The following TVP23C variants were observed in gnomAD, a reference collection of about 807,000 sequenced individuals.
TVP23C encodes Golgi apparatus membrane protein TVP23 homolog C.
A neutral mutation model predicts 28.7 loss-of-function variants in TVP23C; 19 were observed. The ratio of observed to expected loss-of-function variants is 0.66; its 90% CI spans 0.46 to 0.97. TVP23C has a LOEUF of 0.97. Among genes scored for constraint, TVP23C ranks in the 50% least tolerant of loss-of-function variants. TVP23C has a pLI of 0.00. For missense variants in TVP23C, 186 were observed against 241.3 expected (o/e 0.77, Z 1.52); for synonymous variants, 68 against 81.7 (o/e 0.83, Z 0.90).
intron 3 of TVP23C, among the ~76,000 whole-genome samples, chr17:15,549,673 T>C (rs1265391096): frequency 6.6e-6 from 1 of 151,624 alleles, no homozygotes; most frequent in Non-Finnish European, 1.5e-5. Context: ...AAGCAAGATT[T>C]TGTCTCAAAA....
intron 3 of TVP23C, among the ~76,000 whole-genome samples, chr17:15,548,326 C>T (rs1467896432): frequency 6.6e-6 from 1 of 152,132 alleles, no homozygotes; most frequent in South Asian, 2.1e-4. Context: ...GCCATCATGC[C>T]CAGCTAATTT....
chr17:15,538,406 C>T lies in TVP23C; in HGVS notation c.*2006G>A, dbSNP rs1983251396. On this transcript the variant is annotated 3_prime_UTR_variant, in exon 6 of 6. Transcript: ENST00000518321. ...GAGATCGAGACCCTCCTGGCTAACA[C>T]AGTGAAACCCCGTCTCTACTAAAAA... 1 of 784,058 alleles carries T rather than the reference C, an allele frequency of 1.3e-6. No homozygotes were observed. Among genetic ancestry groups the T allele is most frequent in the Non-Finnish European group, 1.5e-6 (1 of 646,922 alleles). The allele number at this position is 784,058 out of a possible 1,614,324, so 48.6% of individuals were successfully genotyped here. A position where few individuals can be genotyped will look rare whatever the true frequency, so the allele number is the denominator to read the frequency against.
intron 5 of TVP23C, among the ~76,000 whole-genome samples, chr17:15,524,555 C>T (rs1196940910): frequency 5.3e-5 from 8 of 152,144 alleles, no homozygotes; most frequent in Non-Finnish European, 1.0e-4. Flanking sequence ...TAGGAGGCGA[C>T]GCCATTCTCT....
intron 5 of TVP23C, among the ~76,000 whole-genome samples, chr17:15,523,553 C>T (rs896918429): frequency 1.4e-4 from 22 of 151,924 alleles, no homozygotes; most frequent in Non-Finnish European, 2.6e-4. Context: ...AGGTGATCCA[C>T]CCCCTTTGGC....
chr17:15,503,477 G>C (rs890374402), intron 5 of TVP23C: 2 of 366,600 alleles, frequency 5.5e-6, no homozygotes, highest in African/African-American at 4.2e-5. Context: ...AACAGTGAAG[G>C]GGACTGAAGA....
intron 5 of TVP23C, among the ~76,000 whole-genome samples, chr17:15,506,584 C>T (rs964461184): frequency 5.3e-5 from 8 of 152,210 alleles, no homozygotes; most frequent in African/African-American, 1.9e-4. Flanking sequence ...ACTGCGGAAG[C>T]TTTGTTCTTT....
chr17:15,521,961 A>G (rs1051736719), intron 5 of TVP23C, among the ~76,000 whole-genome samples: 1 of 152,190 alleles, frequency 6.6e-6, no homozygotes, highest in Non-Finnish European at 1.5e-5. Context: ...CAAACCACAC[A>G]TTTAAAGTTT....
At chr17:15,545,073 T>C (rs1258624673) in intron 5 of TVP23C, among the ~76,000 whole-genome samples, 1 of 152,136 alleles carries the variant, frequency 6.6e-6, no homozygotes, top group African/African-American at 2.4e-5. Flanking sequence ...GCAGCAACAA[T>C]ATCTCCTCTT....
In TVP23C at chr17:15,538,125, A is replaced by G. The variant is rs753705475; in HGVS notation, c.*2287T>C. The G allele has an allele frequency of 9.3e-6, 15 of 1,613,680 alleles. No individual in the cohort carries two copies. The highest frequency in any genetic ancestry group is 1.2e-5 in the Non-Finnish European group (14 of 1,179,850). On this transcript the variant is annotated 3_prime_UTR_variant, in exon 6 of 6. Transcript: ENST00000518321. Reference sequence around the variant, plus strand: ...GTAACAAAGCACATAAGCTTTCTCTATTCAGGAAGTCTGATCATCTCCAGT... The same window carrying G: ...GTAACAAAGCACATAAGCTTTCTCTGTTCAGGAAGTCTGATCATCTCCAGT...
intron 5 of TVP23C, chr17:15,503,410 G>A: frequency 1.3e-6 from 1 of 782,272 alleles, no homozygotes; most frequent in Admixed American, 3.4e-5. Context: ...GATATTTCAA[G>A]AAAAGTCCTT....
intron 5 of TVP23C, among the ~76,000 whole-genome samples, chr17:15,512,069 T>C (rs1030526631): frequency 7.9e-5 from 12 of 152,146 alleles, no homozygotes; most frequent in African/African-American, 2.2e-4. Context: ...GCAGCATGAT[T>C]TGTACTTTTA....
At chr17:15,543,248 G>A (rs1259171075) in intron 5 of TVP23C, among the ~76,000 whole-genome samples, 2 of 148,068 alleles carry the variant, frequency 1.4e-5, no homozygotes, top group East Asian at 2.0e-4. Context: ...CAGCAGCCAC[G>A]TGCCTCAGAC....
At chr17:15,506,157 C>G (rs1981728999) in intron 5 of TVP23C, among the ~76,000 whole-genome samples, 1 of 152,276 alleles carries the variant, frequency 6.6e-6, no homozygotes, top group African/African-American at 2.4e-5. Flanking sequence ...GCTCCTGAGT[C>G]TGATGGGGAC....
At chr17:15,521,434 G>A (rs1382358858) in intron 5 of TVP23C, among the ~76,000 whole-genome samples, 7 of 152,154 alleles carry the variant, frequency 4.6e-5, no homozygotes, top group Non-Finnish European at 1.0e-4. Context: ...AGCCCAGGAG[G>A]CGGAGCTTGC....
chr17:15,529,832 G>A (rs1364285079), intron 5 of TVP23C, among the ~76,000 whole-genome samples: 2 of 151,752 alleles, frequency 1.3e-5, no homozygotes, highest in Non-Finnish European at 2.9e-5. Context: ...ATGGAGTCTC[G>A]CTGTCACCCA....
intron 3 of TVP23C, among the ~76,000 whole-genome samples, chr17:15,549,078 T>C (rs1983775117): frequency 6.6e-6 from 1 of 152,184 alleles, no homozygotes; most frequent in Admixed American, 6.5e-5. Flanking sequence ...TATATTTCAA[T>C]ATAAGTGACT....
rs56346847 is a variant in TVP23C at position 15,559,313 on chromosome 17, TAAA to T, written c.13-3952_13-3950del. Among the ~76,000 whole-genome samples, 7 of 105,162 alleles carry T rather than the reference TAAA, an allele frequency of 6.7e-5. 1 individual carries two copies. The highest frequency in any genetic ancestry group is 7.8e-5 in the Non-Finnish European group (4 of 51,072). The allele number at this position is 105,162 out of a possible 152,430, so 69.0% of individuals were successfully genotyped here. A position where few individuals can be genotyped will look rare whatever the true frequency, so the allele number is the denominator to read the frequency against. On this transcript the variant is annotated intron_variant, in intron 1 of 5. Transcript: ENST00000518321. ...GGTACTGCTGTAAGTGGTACAGATT[TAAA>T]AAAAAAAAAAAAAAAAAAAAGACAA...
At chr17:15,545,965 A>G in intron 4 of TVP23C, 49 bp from the exon 5 acceptor site, 1 of 1,586,290 alleles carries the variant, frequency 6.3e-7, no homozygotes, top group Non-Finnish European at 8.6e-7. Flanking sequence ...TTTATCAATA[A>G]AAAGTTCAAC....
At chr17:15,554,492 C>T (rs1453286242) in intron 2 of TVP23C, among the ~76,000 whole-genome samples, 1 of 152,212 alleles carries the variant, frequency 6.6e-6, no homozygotes, top group African/African-American at 2.4e-5. Flanking sequence ...CTGCCTCGGC[C>T]TCCCAAAGTG....
Sources: gnomAD v4.1 joint callset for allele counts (sites outside exome capture counted in the v4.1 genomes callset) on GRCh38, gnomAD v4.1.1 for gene constraint, MANE v1.5 for transcripts, NCBI Gene and HGNC (gene_info 2026-07-23, HGNC 2026-07-21) for gene names.